SLC24A2: variants seen among roughly 807,000 people sequenced by gnomAD.
SLC24A2 encodes sodium/potassium/calcium exchanger 2.
A neutral mutation model predicts 62.0 loss-of-function variants in SLC24A2; 36 were observed. The observed-to-expected ratio is 0.58, with a 90% CI of 0.44 to 0.77. The LOEUF is 0.77. Ranked by LOEUF, SLC24A2 falls within the 30% of genes least tolerant of loss-of-function variation. SLC24A2 has a pLI of 0.00. For synonymous variants in SLC24A2, 358 were observed against 294.0 expected, an observed-to-expected ratio of 1.22 and a Z score of -2.23; for missense variants, 846 against 817.9, an observed-to-expected ratio of 1.03 and a Z score of -0.42.
the SLC24A2 span, among the ~76,000 whole-genome samples, chr9:19,877,305 C>A: frequency 6.8e-6 from 1 of 147,806 alleles, no homozygotes; most frequent in Non-Finnish European, 1.5e-5. Context: ...AAGAGAGAGA[C>A]TATGGAGGTC....
the SLC24A2 span, among the ~76,000 whole-genome samples, chr9:20,221,437 AAAAC>A: frequency 7.2e-5 from 11 of 152,234 alleles, no homozygotes; most frequent in Non-Finnish European, 1.3e-4. Flanking sequence ...GTGAAAAAAT[AAAAC>A]AAACAAACAA....
intron 7 of SLC24A2, among the ~76,000 whole-genome samples, chr9:19,571,496 A>T (rs1835836017): frequency 6.6e-6 from 1 of 152,008 alleles, no homozygotes; most frequent in Admixed American, 6.6e-5. Context: ...CATTGGGGGA[A>T]GTTCTGTCTA....
At chr9:19,641,543 CT>C (rs1462058705) in intron 2 of SLC24A2, among the ~76,000 whole-genome samples, 2 of 139,024 alleles carry the variant, frequency 1.4e-5, no homozygotes, top group African/African-American at 5.4e-5. Context: ...GAGATGGAGT[CT>C]CACTCGGTCG....
At chr9:19,647,068 G>GCACACACA (rs142480390) in intron 2 of SLC24A2, among the ~76,000 whole-genome samples, 1,516 of 80,022 alleles carry the variant, frequency 0.019, 23 homozygotes, top group African/African-American at 0.039. Flanking sequence ...ACACACGCGC[G>GCACACACA]CACACACACA....
chr9:20,070,073 C>T, the SLC24A2 span, among the ~76,000 whole-genome samples: 59 of 152,242 alleles, frequency 3.9e-4, 1 homozygote, highest in African/African-American at 1.3e-3. Context: ...ATTTCAGAAA[C>T]TTCCTTTAAA....
the SLC24A2 span, among the ~76,000 whole-genome samples, chr9:20,048,761 C>T: frequency 6.6e-6 from 1 of 151,750 alleles, no homozygotes; most frequent in Admixed American, 6.6e-5. Context: ...AAAAAAATCT[C>T]AATATTTCCA....
the SLC24A2 span, among the ~76,000 whole-genome samples, chr9:20,203,022 C>G: frequency 6.6e-6 from 1 of 151,600 alleles, no homozygotes; most frequent in African/African-American, 2.4e-5. Context: ...TGCTTATTAG[C>G]AAAATTGGCT....
At chr9:19,516,981 T>C (rs1215949883) in intron 10 of SLC24A2, among the ~76,000 whole-genome samples, 1 of 152,220 alleles carries the variant, frequency 6.6e-6, no homozygotes, top group Non-Finnish European at 1.5e-5. Context: ...GAAAAATTGG[T>C]CTTTCTGAAA....
chr9:19,758,288 T>C (rs1822206966), intron 2 of SLC24A2, among the ~76,000 whole-genome samples: 1 of 151,704 alleles, frequency 6.6e-6, no homozygotes. Context: ...AGACATGGAG[T>C]CCAGGCTTTT....
intron 2 of SLC24A2, among the ~76,000 whole-genome samples, chr9:19,778,083 T>C (rs1009843572): frequency 6.6e-6 from 1 of 152,220 alleles, no homozygotes; most frequent in African/African-American, 2.4e-5. Flanking sequence ...TAAAATTCCA[T>C]AACAGTGTCA....
the SLC24A2 span, among the ~76,000 whole-genome samples, chr9:20,291,793 A>G: frequency 6.6e-6 from 1 of 152,212 alleles, no homozygotes; most frequent in Non-Finnish European, 1.5e-5. Flanking sequence ...CTAGGGATCA[A>G]GAAGAGCCAC....
chr9:19,708,503 C>G (rs957601478), intron 2 of SLC24A2, among the ~76,000 whole-genome samples: 15 of 152,204 alleles, frequency 9.9e-5, no homozygotes, highest in Non-Finnish European at 1.3e-4. Context: ...TGACTTCAAA[C>G]TATACTGCAA....
At chr9:19,952,251 G>A in the SLC24A2 span, among the ~76,000 whole-genome samples, 2 of 151,882 alleles carry the variant, frequency 1.3e-5, 1 homozygote, top group South Asian at 4.2e-4. Flanking sequence ...TAAATATGTT[G>A]TCTGCAAATA....
At chr9:19,679,768 G>A (rs1819661434) in intron 2 of SLC24A2, among the ~76,000 whole-genome samples, 1 of 151,756 alleles carries the variant, frequency 6.6e-6, no homozygotes, top group Non-Finnish European at 1.5e-5. Flanking sequence ...TCTTGCAGAT[G>A]GCAAAACTGG....
chr9:20,005,026 A>G, the SLC24A2 span, among the ~76,000 whole-genome samples: 34 of 152,278 alleles, frequency 2.2e-4, no homozygotes, highest in African/African-American at 7.7e-4. Context: ...TTCCTAAACC[A>G]TACCTTTGTT....
chr9:20,165,515 T>C, the SLC24A2 span, among the ~76,000 whole-genome samples: 1 of 151,864 alleles, frequency 6.6e-6, no homozygotes, highest in African/African-American at 2.4e-5. Flanking sequence ...ATTTAGTATG[T>C]AATAAAGTGG....
the SLC24A2 span, among the ~76,000 whole-genome samples, chr9:20,091,684 C>T: frequency 6.6e-6 from 1 of 152,106 alleles, no homozygotes; most frequent in Non-Finnish European, 1.5e-5. Flanking sequence ...ACCACCCGGC[C>T]TGCCTTATAA....
the SLC24A2 span, among the ~76,000 whole-genome samples, chr9:19,874,937 T>A: frequency 2.6e-5 from 4 of 151,276 alleles, no homozygotes; most frequent in Non-Finnish European, 5.9e-5. Flanking sequence ...CACTTCTAGC[T>A]TCAGAGAGTT....
the SLC24A2 span, among the ~76,000 whole-genome samples, chr9:19,954,204 T>G: frequency 6.6e-6 from 1 of 152,132 alleles, no homozygotes. Flanking sequence ...TCCCTATATT[T>G]ATTTTATGGA....
Sources: allele counts gnomAD v4.1 joint callset (sites outside exome capture counted in the v4.1 genomes callset), GRCh38; gene constraint gnomAD v4.1.1; transcripts MANE v1.5; gene names NCBI Gene and HGNC (gene_info 2026-07-23, HGNC 2026-07-21).